Variants in LRRTM4 observed in about 807,000 individuals in gnomAD.
LRRTM4 encodes leucine rich repeat transmembrane neuronal 4, also known as leucine-rich repeat transmembrane neuronal protein 4.
Under a neutral mutation model 47.6 loss-of-function variants are expected in LRRTM4, and 25 were observed. The ratio of observed to expected loss-of-function variants is 0.53; its 90% CI spans 0.38 to 0.73. The LOEUF (loss-of-function observed/expected upper bound fraction) is 0.73. Ranked by LOEUF, LRRTM4 falls within the 30% of genes least tolerant of loss-of-function variation. The probability of loss-of-function intolerance (pLI) is 0.00; values close to 1 mark genes in which losing one functional copy is unlikely to be tolerated. For missense variants in LRRTM4, 638 were observed against 713.4 expected, an observed-to-expected ratio of 0.89 and a Z score of 1.20; for synonymous variants, 311 against 269.5, an observed-to-expected ratio of 1.15 and a Z score of -1.51.
intron 3 of LRRTM4, among the ~76,000 whole-genome samples, chr2:77,201,859 CATA>C (rs1673985482): frequency 6.6e-6 from 1 of 152,034 alleles, no homozygotes; most frequent in Non-Finnish European, 1.5e-5. Context: ...TGTGATTTTT[CATA>C]ATGCTTCTTT....
chr2:77,132,203 C>T (rs980795304), intron 3 of LRRTM4, among the ~76,000 whole-genome samples: 6 of 152,128 alleles, frequency 3.9e-5, no homozygotes, highest in African/African-American at 1.4e-4. Context: ...TTCATAAAAT[C>T]AACTTTTTTA....
chr2:77,304,408 G>C (rs1396040512), intron 3 of LRRTM4, among the ~76,000 whole-genome samples: 3 of 152,076 alleles, frequency 2.0e-5, no homozygotes, highest in Admixed American at 1.3e-4. Context: ...TGAATGCCAA[G>C]TTCCTGAATC....
intron 3 of LRRTM4, among the ~76,000 whole-genome samples, chr2:77,352,675 C>A (rs1671829249): frequency 6.6e-6 from 1 of 152,088 alleles, no homozygotes; most frequent in African/African-American, 2.4e-5. Flanking sequence ...ACAACAATTT[C>A]ATTTTCCAAA....
chr2:76,931,788 A>G (rs189360324), intron 3 of LRRTM4, among the ~76,000 whole-genome samples: 3 of 152,238 alleles, frequency 2.0e-5, no homozygotes, highest in Admixed American at 6.5e-5. Context: ...ATATTTTGCT[A>G]CCAACCATAC....
At chr2:77,017,119 A>G (rs10190198) in intron 3 of LRRTM4, among the ~76,000 whole-genome samples, 84,376 of 151,974 alleles carry the variant, frequency 0.56, 25,616 homozygotes, top group African/African-American at 0.81. Context: ...ACCCTTAAGT[A>G]TCATCAGAAA....
chr2:76,962,944 A>G (rs998683810), intron 3 of LRRTM4, among the ~76,000 whole-genome samples: 16 of 150,738 alleles, frequency 1.1e-4, no homozygotes, highest in African/African-American at 3.6e-4. Flanking sequence ...TATACACACA[A>G]ACACGTGCAC....
chr2:77,084,223 T>C (rs1680633434), intron 3 of LRRTM4, among the ~76,000 whole-genome samples: 1 of 152,172 alleles, frequency 6.6e-6, no homozygotes. Context: ...AAATTGACCT[T>C]GTCTTTCGCT....
At chr2:77,490,487 A>G (rs1361904066) in intron 3 of LRRTM4, among the ~76,000 whole-genome samples, 4 of 152,182 alleles carry the variant, frequency 2.6e-5, no homozygotes, top group Non-Finnish European at 4.4e-5. Context: ...AGTTCCTCCT[A>G]CAGTGAGAAG....
At chr2:76,823,656 G>T (rs75520798) in intron 3 of LRRTM4, among the ~76,000 whole-genome samples, 2 of 149,182 alleles carry the variant, frequency 1.3e-5, no homozygotes, top group East Asian at 1.9e-4. Context: ...GTGTTCTTCC[G>T]TTCATTGAGA....
intron 3 of LRRTM4, among the ~76,000 whole-genome samples, chr2:76,754,958 G>C (rs911423159): frequency 6.6e-6 from 1 of 152,138 alleles, no homozygotes. Context: ...TAGATATGTA[G>C]AATTGCTCAG....
rs1201532765 is a variant in LRRTM4, at chr2:77,220,456, G to GA, written c.1551+297861dup. Among the ~76,000 whole-genome samples, 6 of 152,176 alleles carry GA rather than the reference G, an allele frequency of 3.9e-5. No homozygotes were observed. In the East Asian group the frequency reaches 1.2e-3, roughly 29 times the overall value. On this transcript the variant is annotated intron_variant, in intron 3 of 3. Coordinates refer to ENST00000409884, the MANE Select transcript of LRRTM4 (RefSeq NM_001134745.3). ...CAATGGCAAAGAAGTTAAAAACGTT[G>GA]AAAAAAATTAGACGAATGGATAACT...
intron 3 of LRRTM4, among the ~76,000 whole-genome samples, chr2:76,946,620 A>G (rs1330866309): frequency 6.6e-6 from 1 of 151,852 alleles, no homozygotes; most frequent in Non-Finnish European, 1.5e-5. Context: ...AATCAGGATA[A>G]TAATTTCTGC....
intron 3 of LRRTM4, among the ~76,000 whole-genome samples, chr2:76,929,713 T>G (rs964652738): frequency 1.3e-5 from 2 of 152,132 alleles, no homozygotes; most frequent in African/African-American, 4.8e-5. Flanking sequence ...CCTTTCTGTA[T>G]AATAAAATGA....
intron 3 of LRRTM4, among the ~76,000 whole-genome samples, chr2:77,311,437 AAC>A (rs769643378): frequency 2.0e-5 from 3 of 152,176 alleles, no homozygotes; most frequent in Non-Finnish European, 4.4e-5. Flanking sequence ...CAGGAGTGGG[AAC>A]ACAACATTGA....
chr2:77,512,455 A>AT (rs1234452056), intron 3 of LRRTM4, among the ~76,000 whole-genome samples: 2 of 152,126 alleles, frequency 1.3e-5, no homozygotes, highest in Non-Finnish European at 2.9e-5. Flanking sequence ...TTCTGGTACT[A>AT]TAAAAAGCAA....
At chr2:77,451,240 G>C (rs775054200) in intron 3 of LRRTM4, among the ~76,000 whole-genome samples, 1 of 152,084 alleles carries the variant, frequency 6.6e-6, no homozygotes, top group Non-Finnish European at 1.5e-5. Flanking sequence ...TTCATTGTTA[G>C]ATAGCATCCA....
At chr2:76,830,677 C>A (rs115352183) in intron 3 of LRRTM4, among the ~76,000 whole-genome samples, 4,046 of 151,454 alleles carry the variant, frequency 0.027, 179 homozygotes, top group East Asian at 0.079. Flanking sequence ...TTTTAAATTA[C>A]CATTAATTAT....
chr2:77,277,910 G>A (rs970825235), intron 3 of LRRTM4, among the ~76,000 whole-genome samples: 5 of 151,874 alleles, frequency 3.3e-5, no homozygotes, highest in Non-Finnish European at 5.9e-5. Context: ...GCCCTTATTA[G>A]GTCCATAAGA....
chr2:76,903,103 G>A (rs1467688994), intron 3 of LRRTM4, among the ~76,000 whole-genome samples: 3 of 152,140 alleles, frequency 2.0e-5, no homozygotes, highest in Non-Finnish European at 4.4e-5. Context: ...CTGGCACAGT[G>A]GCTCGTGCCT....
Sources: gnomAD v4.1 joint callset for allele counts (sites outside exome capture counted in the v4.1 genomes callset) on GRCh38, gnomAD v4.1.1 for gene constraint, MANE v1.5 for transcripts, NCBI Gene and HGNC (gene_info 2026-07-23, HGNC 2026-07-21) for gene names.